The following STK32B variants were observed in gnomAD, a reference collection of about 807,000 sequenced individuals.
STK32B encodes serine/threonine-protein kinase 32B.
Under a neutral mutation model 52.6 loss-of-function variants are expected in STK32B, and 43 were observed. That is an observed-to-expected ratio of 0.82 (90% CI 0.64 to 1.05). The LOEUF is 1.05. Ranked by LOEUF, STK32B falls within the 50% of genes least tolerant of loss-of-function variation. The probability of loss-of-function intolerance (pLI) is 0.00; values close to 1 mark genes in which losing one functional copy is unlikely to be tolerated. For synonymous variants in STK32B, 238 were observed against 204.3 expected (o/e 1.17, Z -1.41); for missense variants, 621 against 534.6 (o/e 1.16, Z -1.59).
At chr4:5,217,447 A>T (rs557686499) in intron 3 of STK32B, among the ~76,000 whole-genome samples, 13 of 152,262 alleles carry the variant, frequency 8.5e-5, no homozygotes, top group African/African-American at 3.1e-4. Context: ...TATTGAAGTG[A>T]TACAGGAATG....
At chr4:5,094,728 G>T (rs529658085) in intron 1 of STK32B, among the ~76,000 whole-genome samples, 53 of 152,280 alleles carry the variant, frequency 3.5e-4, no homozygotes, top group African/African-American at 1.3e-3. Flanking sequence ...TTGTTGGTAA[G>T]GCTGCCAGTC....
chr4:5,127,515 T>A (rs186812303), intron 1 of STK32B, among the ~76,000 whole-genome samples: 22 of 150,054 alleles, frequency 1.5e-4, no homozygotes, highest in African/African-American at 5.6e-4. Context: ...GGTGAGCAAT[T>A]CTCTCAAAAT....
At chr4:5,336,076 A>T (rs1732660853) in intron 4 of STK32B, among the ~76,000 whole-genome samples, 1 of 149,830 alleles carries the variant, frequency 6.7e-6, no homozygotes, top group South Asian at 2.2e-4. Flanking sequence ...GGGCTAAAGG[A>T]CATCAAGCCT....
Position 5,394,361 on chromosome 4 carries a change from C to T in STK32B, c.435-3846C>T, listed in dbSNP as rs532425935. 3.3e-5 allele frequency among the ~76,000 whole-genome samples: 5 copies of T among 152,118 alleles called. No homozygotes were observed. The highest frequency in any genetic ancestry group is 2.1e-4 in the South Asian group (1 of 4,816). ...GATGCCCTTTCTGAACGTTCAAACC[C>T]GTTTTCAACAGGATGACGCGCTGGA... On this transcript the variant is annotated intron_variant, in intron 4 of 11. Transcript: ENST00000282908. This position sits in a 1 kb window ranked among gnomAD's most constrained non-coding sequence, Gnocchi z 4.2.
At chr4:5,450,427 T>C (rs976815399) in intron 7 of STK32B, among the ~76,000 whole-genome samples, 4 of 152,128 alleles carry the variant, frequency 2.6e-5, no homozygotes, top group Non-Finnish European at 5.9e-5. Context: ...CACCCATCTG[T>C]TCATTGATTA....
chr4:5,121,539 A>C (rs953209266), intron 1 of STK32B, among the ~76,000 whole-genome samples: 2 of 152,232 alleles, frequency 1.3e-5, no homozygotes, highest in African/African-American at 4.8e-5. Flanking sequence ...TAATGAGAAT[A>C]GGACCTATCA....
At chr4:5,209,817 C>CT (rs1366353105) in intron 3 of STK32B, among the ~76,000 whole-genome samples, 2 of 152,234 alleles carry the variant, frequency 1.3e-5, no homozygotes, top group South Asian at 2.1e-4. Flanking sequence ...AGGTTGGATA[C>CT]TTTAACAACC....
intron 3 of STK32B, among the ~76,000 whole-genome samples, chr4:5,216,808 G>C (rs1045260349): frequency 6.6e-6 from 1 of 152,208 alleles, no homozygotes; most frequent in South Asian, 2.1e-4. Flanking sequence ...TTTAAACCAG[G>C]TGTGGTGGGT....
intron 5 of STK32B, among the ~76,000 whole-genome samples, chr4:5,412,332 T>C (rs887247510): frequency 6.6e-6 from 1 of 152,220 alleles, no homozygotes; most frequent in Admixed American, 6.5e-5. Context: ...TGGGCACTAA[T>C]TTTCACTTTC....
intron 1 of STK32B, among the ~76,000 whole-genome samples, chr4:5,123,484 T>C (rs946188627): frequency 3.9e-5 from 6 of 152,126 alleles, no homozygotes; most frequent in African/African-American, 1.4e-4. Context: ...TGTAACAAAG[T>C]GTCACAGCCT....
At chr4:5,202,704 C>T (rs1429619949) in intron 3 of STK32B, among the ~76,000 whole-genome samples, 1 of 152,234 alleles carries the variant, frequency 6.6e-6, no homozygotes, top group East Asian at 1.9e-4. Context: ...CCCAATGCCA[C>T]ATATAAGCTA....
chr4:5,395,881 T>G lies in STK32B; in HGVS notation c.435-2326T>G, dbSNP rs528983733. ...CCCCTTTCCTTGGCTCTGTGGGGTC[T>G]AGGGACCAAGGTGGCCACATCCGTG... On this transcript the variant is annotated intron_variant, in intron 4 of 11. Coordinates refer to ENST00000282908, the MANE Select transcript of STK32B (RefSeq NM_018401.3). The surrounding 1 kb of genome is among the most constrained non-coding windows in gnomAD (Gnocchi z 4.4). 6.6e-6 allele frequency among the ~76,000 whole-genome samples: 1 copy of G among 152,364 alleles called. No individual in the cohort carries two copies. Among genetic ancestry groups the G allele is most frequent in the East Asian group, 1.9e-4 (1 of 5,180 alleles).
chr4:5,288,023 A>C (rs1393395403), intron 3 of STK32B, among the ~76,000 whole-genome samples: 3 of 152,208 alleles, frequency 2.0e-5, no homozygotes, highest in African/African-American at 7.2e-5. Context: ...ACCTATTAAG[A>C]CTGATTTCTT....
At chr4:5,300,992 A>AAGGGT (rs1285994335) in intron 3 of STK32B, among the ~76,000 whole-genome samples, 2 of 152,128 alleles carry the variant, frequency 1.3e-5, no homozygotes, top group Non-Finnish European at 2.9e-5. Flanking sequence ...TTTATCATGA[A>AAGGGT]AGGGTACCAA....
chr4:5,247,991 C>T (rs1016624415), intron 3 of STK32B, among the ~76,000 whole-genome samples: 3 of 152,124 alleles, frequency 2.0e-5, no homozygotes, highest in Admixed American at 6.6e-5. Context: ...TCAGGGCAGC[C>T]ATGGGTTAGC....
intron 3 of STK32B, among the ~76,000 whole-genome samples, chr4:5,269,937 T>G (rs1322004707): frequency 6.6e-6 from 1 of 152,120 alleles, no homozygotes; most frequent in Non-Finnish European, 1.5e-5. Flanking sequence ...TACCAGAAAT[T>G]TAAGGTTGGT....
At chr4:5,492,505 A>G (rs1441103438) in intron 11 of STK32B, among the ~76,000 whole-genome samples, 7 of 152,082 alleles carry the variant, frequency 4.6e-5, no homozygotes, top group Admixed American at 2.0e-4. Context: ...TAGATATACA[A>G]TCATGTCGTC....
intron 3 of STK32B, among the ~76,000 whole-genome samples, chr4:5,310,802 A>C (rs1352621802): frequency 6.6e-6 from 1 of 152,240 alleles, no homozygotes; most frequent in Non-Finnish European, 1.5e-5. Context: ...GTGTCCACAA[A>C]TAGATGAATG....
intron 3 of STK32B, among the ~76,000 whole-genome samples, chr4:5,264,580 A>C (rs867577169): frequency 6.6e-6 from 1 of 151,730 alleles, no homozygotes; most frequent in Non-Finnish European, 1.5e-5. Flanking sequence ...AGGTCGGGGG[A>C]TCGAGACCAT....
Sources: allele counts gnomAD v4.1 joint callset (sites outside exome capture counted in the v4.1 genomes callset), GRCh38; gene constraint gnomAD v4.1.1; non-coding constraint Gnocchi (gnomAD v3.1); transcripts MANE v1.5; gene names NCBI Gene and HGNC (gene_info 2026-07-23, HGNC 2026-07-21).